ANO5: variants seen among roughly 807,000 people sequenced by gnomAD.
ANO5 encodes anoctamin-5.
A neutral mutation model predicts 121.0 loss-of-function variants in ANO5; 109 were observed. That is an observed-to-expected ratio of 0.90 (90% CI 0.77 to 1.06). The LOEUF is 1.06. Ranked by LOEUF, ANO5 falls within the 50% of genes least tolerant of loss-of-function variation. The pLI, the probability that ANO5 is intolerant of heterozygous loss-of-function variation, is 0.00. For missense variants in ANO5, 1,064 were observed against 1,078.5 expected, an observed-to-expected ratio of 0.99 and a Z score of 0.19; for synonymous variants, 406 against 359.9, an observed-to-expected ratio of 1.13 and a Z score of -1.45.
chr11:22,259,811 T>A, intron 15 of ANO5, 70 bp downstream of exon 15: 1 of 1,448,038 alleles, frequency 6.9e-7, no homozygotes, highest in South Asian at 1.2e-5. Flanking sequence ...CTATTTTGGA[T>A]CAGGTCTCCA....
intron 17 of ANO5, among the ~76,000 whole-genome samples, chr11:22,269,569 A>C (rs967359188): frequency 1.4e-5 from 2 of 146,312 alleles, no homozygotes; most frequent in African/African-American, 5.4e-5. Context: ...AAGAAAAGGA[A>C]AGAAAAAAAG....
At chr11:22,264,695 T>G (rs1218465302) in intron 17 of ANO5, among the ~76,000 whole-genome samples, 1 of 151,976 alleles carries the variant, frequency 6.6e-6, no homozygotes, top group Non-Finnish European at 1.5e-5. Context: ...TAAGGAAAGG[T>G]GATACTGTCA....
chr11:22,202,448 G>A (rs950938315), intron 1 of ANO5, among the ~76,000 whole-genome samples: 21 of 83,994 alleles, frequency 2.5e-4, no homozygotes, highest in African/African-American at 7.9e-4. Flanking sequence ...TATACAAATG[G>A]TAGATTTTTT....
At position 22,272,951 on chromosome 11, in the gene ANO5, ATTCT is replaced by A; in HGVS notation, c.2200_2203del (p.Leu734MetfsTer25). ...TCATAGCATAGGTGTTTGGCAAGAC[ATTCT>A]TTATGGAATGGCTGTCCTTTCTGTT... is the stretch of plus-strand genomic sequence containing the variant. On this transcript the variant is annotated frameshift_variant, in exon 19 of 22. Coordinates refer to ENST00000324559, the MANE Select transcript of ANO5 (RefSeq NM_213599.3). LOFTEE classifies it high-confidence loss of function. 6.2e-7 allele frequency: 1 copy of A among 1,614,096 alleles called. No homozygotes were observed. The highest frequency in any genetic ancestry group is 8.5e-7 in the Non-Finnish European group (1 of 1,180,022).
chr11:22,204,975 A>G (rs960444232), intron 2 of ANO5, among the ~76,000 whole-genome samples: 22 of 152,192 alleles, frequency 1.4e-4, no homozygotes, highest in African/African-American at 5.3e-4. Flanking sequence ...GATTGGATAA[A>G]GAAAATGTGA....
intron 7 of ANO5, among the ~76,000 whole-genome samples, chr11:22,235,876 G>A (rs1853197749): frequency 6.6e-6 from 1 of 152,036 alleles, no homozygotes; most frequent in Admixed American, 6.6e-5. Flanking sequence ...TAGAAATTCT[G>A]GCACAAAGAA....
intron 5 of ANO5, among the ~76,000 whole-genome samples, chr11:22,224,485 G>A (rs1852760461): frequency 6.6e-6 from 1 of 152,022 alleles, no homozygotes. Flanking sequence ...GAAAAGATAG[G>A]CTTTTCAATA....
chr11:22,234,524 T>C (rs185699392), intron 7 of ANO5, among the ~76,000 whole-genome samples: 232 of 152,230 alleles, frequency 1.5e-3, no homozygotes, highest in Non-Finnish European at 2.9e-3. Flanking sequence ...CTTCTTAGTC[T>C]CTCAAACTAA....
chr11:22,217,324 A>G (rs1387909424), intron 3 of ANO5, among the ~76,000 whole-genome samples: 1 of 151,980 alleles, frequency 6.6e-6, no homozygotes, highest in Non-Finnish European at 1.5e-5. Flanking sequence ...ATTTTTAGGT[A>G]ATTGACCCTG....
chr11:22,205,198 G>A (rs1366510613), intron 2 of ANO5, among the ~76,000 whole-genome samples: 20 of 152,086 alleles, frequency 1.3e-4, no homozygotes, highest in Admixed American at 1.3e-3. Flanking sequence ...GCCTTTTGGA[G>A]GATGGAGGGT....
chr11:22,231,406 A>C (rs1853036884), intron 7 of ANO5, among the ~76,000 whole-genome samples: 1 of 151,964 alleles, frequency 6.6e-6, no homozygotes, highest in South Asian at 2.1e-4. Flanking sequence ...CAAACATTAA[A>C]GAGATGTATA....
intron 3 of ANO5, among the ~76,000 whole-genome samples, chr11:22,212,271 A>G (rs1323992991): frequency 6.6e-6 from 1 of 151,892 alleles, no homozygotes. Context: ...CTTAGCTTGA[A>G]GGTAAATCTG....
At chr11:22,229,863 T>C (rs889759882) in intron 7 of ANO5, among the ~76,000 whole-genome samples, 1 of 152,072 alleles carries the variant, frequency 6.6e-6, no homozygotes, top group Non-Finnish European at 1.5e-5. Flanking sequence ...GAGGTTAATG[T>C]AGACAAAGTC....
intron 16 of ANO5, 142 bp downstream of exon 16, chr11:22,262,440 A>G (rs550358674): frequency 1.2e-6 from 1 of 869,090 alleles, no homozygotes; most frequent in Non-Finnish European, 1.8e-6. Context: ...AGTATTGTTC[A>G]CAGATGAATC....
chr11:22,217,352 A>T (rs1852478205), intron 3 of ANO5, among the ~76,000 whole-genome samples: 1 of 151,958 alleles, frequency 6.6e-6, no homozygotes, highest in Non-Finnish European at 1.5e-5. Context: ...AATAATGACC[A>T]TGTAATTGAA....
rs398124625 is a variant in ANO5 at position 22,203,803 on chromosome 11, G to A, written c.41-1G>A. ...GTTTTTCTCTTTCTTATTTAATTTAGGGGAAAAAGTCAATAAGCATATAGA... is the reference window on the plus strand; with the variant it reads ...GTTTTTCTCTTTCTTATTTAATTTAAGGGAAAAAGTCAATAAGCATATAGA... On this transcript the variant is annotated splice_acceptor_variant, in intron 1 of 21. Coordinates refer to ENST00000324559, the MANE Select transcript of ANO5 (RefSeq NM_213599.3). LOFTEE classifies it high-confidence loss of function. 8.5e-5 allele frequency: 125 copies of A among 1,463,632 alleles called. No homozygotes were observed. The highest frequency in any genetic ancestry group is 1.2e-4 in the Non-Finnish European group (121 of 1,050,270). 90.7% of individuals were successfully genotyped at this position (1,463,632 alleles called of 1,614,324 possible).
At chr11:22,195,893 G>C (rs1197449755) in intron 1 of ANO5, among the ~76,000 whole-genome samples, 1 of 152,126 alleles carries the variant, frequency 6.6e-6, no homozygotes, top group Non-Finnish European at 1.5e-5. Flanking sequence ...CCAAATTCCT[G>C]TATCTAGATA....
chr11:22,240,747 G>A (rs1437960351), intron 9 of ANO5, among the ~76,000 whole-genome samples: 1 of 151,870 alleles, frequency 6.6e-6, no homozygotes, highest in Non-Finnish European at 1.5e-5. Context: ...AAATAACTAG[G>A]CTTGATTTGG....
chr11:22,249,497 A>G (rs1196550000), intron 9 of ANO5, among the ~76,000 whole-genome samples: 1 of 152,102 alleles, frequency 6.6e-6, no homozygotes, highest in African/African-American at 2.4e-5. Flanking sequence ...AACAACAACA[A>G]CAAGAAAACC....
Sources: gnomAD v4.1 joint callset for allele counts (sites outside exome capture counted in the v4.1 genomes callset) on GRCh38, gnomAD v4.1.1 for gene constraint, MANE v1.5 for transcripts, NCBI Gene and HGNC (gene_info 2026-07-23, HGNC 2026-07-21) for gene names.